Variants in STK26 observed in about 807,000 individuals in gnomAD.
The protein encoded by STK26 is serine/threonine kinase 26, also known as serine/threonine-protein kinase 26.
A neutral mutation model predicts 34.7 loss-of-function variants in STK26; 14 were observed. That is an observed-to-expected ratio of 0.40 (90% CI 0.27 to 0.63). STK26 has a LOEUF of 0.63. Ranked by LOEUF, STK26 falls within the 30% of genes least tolerant of loss-of-function variation. The pLI, the probability that STK26 is intolerant of heterozygous loss-of-function variation, is 0.38. For synonymous variants in STK26, 100 were observed against 109.8 expected (o/e 0.91, Z 0.56); for missense variants, 226 against 309.1 (o/e 0.73, Z 2.02).
chrX:132,036,057 A>G (rs2124137934), intron 2 of STK26, among the ~76,000 whole-genome samples: 1 of 111,947 alleles, frequency 8.9e-6, no homozygotes, highest in Non-Finnish European at 1.9e-5. Flanking sequence ...GCCAACAGGT[A>G]CCCAGTAGGA....
At chrX:132,071,767 A>G (rs922030341) in intron 8 of STK26, among the ~76,000 whole-genome samples, 4 of 112,550 alleles carry the variant, frequency 3.6e-5, no homozygotes, top group Non-Finnish European at 7.5e-5. Context: ...GAAAGTCTGT[A>G]TGCTATGCCA....
At chrX:132,044,839 C>A (rs1211522277) in intron 2 of STK26, among the ~76,000 whole-genome samples, 9 of 79,992 alleles carry the variant, frequency 1.1e-4, no homozygotes, top group Admixed American at 1.5e-4. Flanking sequence ...AGAGAGAGAT[C>A]TATATATATA....
chrX:132,041,098 C>T (rs1447921138), intron 2 of STK26, among the ~76,000 whole-genome samples: 1 of 111,669 alleles, frequency 9.0e-6, no homozygotes, highest in Non-Finnish European at 1.9e-5. Flanking sequence ...TAAGTAGACT[C>T]AAGGCTGCGT....
intron 2 of STK26, among the ~76,000 whole-genome samples, chrX:132,038,249 T>C (rs1926133604): frequency 8.9e-6 from 1 of 111,797 alleles, no homozygotes; most frequent in East Asian, 2.8e-4. Context: ...TTTTTTAGAA[T>C]GGGAAATTTC....
At chrX:132,062,204 A>G (rs911612465) in intron 3 of STK26, among the ~76,000 whole-genome samples, 1 of 112,350 alleles carries the variant, frequency 8.9e-6, no homozygotes, top group East Asian at 2.8e-4. Flanking sequence ...CCAGTATAGT[A>G]AAGCCAACCA....
chrX:132,045,070 C>T (rs1257699140), intron 2 of STK26, among the ~76,000 whole-genome samples: 1 of 107,878 alleles, frequency 9.3e-6, no homozygotes, highest in African/African-American at 3.4e-5. Flanking sequence ...GTATGAACCC[C>T]TTGACTTCCT....
At position 132,037,769 on chromosome X, in the gene STK26, C is replaced by CTTTTTTTTT. The variant is rs755403402; in HGVS notation, c.42+14125_42+14133dup. ...ACAAAGTCTTGTAACCGGAGAGCTG[C>CTTTTTTTTT]TTTTTTTTTTTTTTTTTTTTTTTAA... On this transcript the variant is annotated intron_variant, in intron 2 of 11. Coordinates refer to ENST00000394334, the MANE Select transcript of STK26 (RefSeq NM_016542.4). 5.3e-3 allele frequency among the ~76,000 whole-genome samples: 277 copies of CTTTTTTTTT among 51,816 alleles called. 5 individuals carry two copies. Among genetic ancestry groups the CTTTTTTTTT allele is most frequent in the African/African-American group, 7.3e-3 (83 of 11,363 alleles). 45.0% of individuals were successfully genotyped at this position (51,816 alleles called of 115,157 possible).
chrX:132,061,035 G>A (rs1019861417), intron 3 of STK26, among the ~76,000 whole-genome samples: 1 of 112,111 alleles, frequency 8.9e-6, no homozygotes, highest in African/African-American at 3.2e-5. Flanking sequence ...AGCTTTCTAT[G>A]AACACGTTTT....
At chrX:132,073,300 G>C (rs1412067468) in intron 11 of STK26, among the ~76,000 whole-genome samples, 1 of 112,160 alleles carries the variant, frequency 8.9e-6, no homozygotes, top group Non-Finnish European at 1.9e-5. Flanking sequence ...GGCATGACAA[G>C]GTAGTTTTCC....
At chrX:132,059,894 G>GGCA (rs1926991325) in intron 3 of STK26, among the ~76,000 whole-genome samples, 2 of 111,716 alleles carry the variant, frequency 1.8e-5, no homozygotes, top group Non-Finnish European at 3.8e-5. Context: ...GCCAGTTTAT[G>GGCA]TATGCTCAAT....
chrX:132,034,292 CTTTTTTTT>C (rs561602079), intron 2 of STK26, among the ~76,000 whole-genome samples: 3 of 41,375 alleles, frequency 7.3e-5, no homozygotes, highest in Admixed American at 5.2e-4. Context: ...GACATTTATT[CTTTTTTTT>C]TTTTTTTTTT....
chrX:132,061,170 T>TAAG (rs1207184648), intron 3 of STK26, among the ~76,000 whole-genome samples: 1 of 112,379 alleles, frequency 8.9e-6, no homozygotes, highest in East Asian at 2.8e-4. Flanking sequence ...GCATGTTTTA[T>TAAG]AAGATCTTTT....
At chrX:132,044,666 G>A (rs1191664252) in intron 2 of STK26, among the ~76,000 whole-genome samples, 1 of 49,330 alleles carries the variant, frequency 2.0e-5, no homozygotes, top group Non-Finnish European at 3.8e-5. Flanking sequence ...TCTCTCTCTC[G>A]AGATCTATAT....
rs756981631 is a variant in STK26, at chrX:132,061,996, A to T, written c.274-1437A>T. ...TTTTCCTACTTGAAATATTGTTAAG[A>T]TATAAATAGTAGTGAGTTTCTCTGG... On this transcript the variant is annotated intron_variant, in intron 3 of 11. Coordinates refer to ENST00000394334, the MANE Select transcript of STK26 (RefSeq NM_016542.4). Among the ~76,000 whole-genome samples the T allele has an allele frequency of 2.7e-5, 3 of 112,422 alleles. No homozygotes were observed. The East Asian group carries it at 8.3e-4, about 31-fold the overall frequency.
chrX:132,023,849 G>C (rs1207661638), intron 2 of STK26, among the ~76,000 whole-genome samples, 190 bp downstream of exon 2: 1 of 112,245 alleles, frequency 8.9e-6, no homozygotes, highest in Non-Finnish European at 1.9e-5. Flanking sequence ...AGTGCTCTTC[G>C]CTGGGAAGGC....
chrX:132,035,664 T>A (rs918941041), intron 2 of STK26, among the ~76,000 whole-genome samples: 2 of 109,529 alleles, frequency 1.8e-5, no homozygotes, highest in Non-Finnish European at 3.8e-5. Context: ...AATCTGTTTA[T>A]GCTTATAGTT....
chrX:132,049,195 G>A (rs1429988664), intron 2 of STK26, among the ~76,000 whole-genome samples: 1 of 111,628 alleles, frequency 9.0e-6, no homozygotes, highest in Non-Finnish European at 1.9e-5. Context: ...CTGTTGCCCA[G>A]GCTTGTCTTG....
At position 132,069,406 on chromosome X, in the gene STK26, T is replaced by TAC. The variant is rs1186408282; in HGVS notation, c.598-68_598-67dup. The TAC allele has an allele frequency of 3.5e-4, 49 of 139,642 alleles. No homozygotes were observed. In the South Asian group the frequency reaches 3.7e-3, roughly 10 times the overall value. The allele number at this position is 139,642 out of a possible 1,213,427, so 11.5% of individuals were successfully genotyped here. On this transcript the variant is annotated intron_variant, in intron 6 of 11. Transcript: ENST00000394334. ...GGAGTTTCAAGGTGATATACATACA[T>TAC]ACACATATATATATATATATATATA...
At chrX:132,031,255 T>C (rs1398138704) in intron 2 of STK26, among the ~76,000 whole-genome samples, 1 of 112,169 alleles carries the variant, frequency 8.9e-6, no homozygotes, top group Admixed American at 9.4e-5. Context: ...TATTTCAATA[T>C]ATGGATATGA....
Sources: gnomAD v4.1 joint callset for allele counts (sites outside exome capture counted in the v4.1 genomes callset) on GRCh38, gnomAD v4.1.1 for gene constraint, MANE v1.5 for transcripts, NCBI Gene and HGNC (gene_info 2026-07-23, HGNC 2026-07-21) for gene names.